Variants in LRRC4C observed in about 807,000 individuals in gnomAD.
The protein encoded by LRRC4C is leucine-rich repeat-containing protein 4C.
In LRRC4C, 5 loss-of-function variants were observed where a neutral mutation model predicts 33.6. The observed-to-expected ratio is 0.15, with a 90% confidence interval of 0.08 to 0.31. The LOEUF (loss-of-function observed/expected upper bound fraction) is 0.31, where lower values mean the gene tolerates loss of function less well. Among genes scored for constraint, LRRC4C ranks in the 10% least tolerant of loss-of-function variants. The pLI is 1.00. For missense variants in LRRC4C, 560 were observed against 796.7 expected (o/e 0.70, Z 3.58); for synonymous variants, 329 against 302.0 (o/e 1.09, Z -0.93).
At chr11:41,255,515 A>G (rs1034046787) in intron 1 of LRRC4C, among the ~76,000 whole-genome samples, 1 of 151,986 alleles carries the variant, frequency 6.6e-6, no homozygotes, top group Non-Finnish European at 1.5e-5. Context: ...TGGATAATCC[A>G]TTGACCTTTT....
chr11:41,147,163 T>C (rs1943762876), intron 1 of LRRC4C, among the ~76,000 whole-genome samples: 1 of 152,228 alleles, frequency 6.6e-6, no homozygotes, highest in Admixed American at 6.5e-5. Context: ...CTCTTTTTGG[T>C]ATTCCATAAA....
intron 1 of LRRC4C, among the ~76,000 whole-genome samples, chr11:41,067,626 G>A (rs1392707135): frequency 3.9e-5 from 6 of 152,098 alleles, no homozygotes; most frequent in Non-Finnish European, 7.4e-5. Flanking sequence ...TTTCAGTGCC[G>A]CATGGCACTT....
At chr11:41,417,428 T>C (rs1425270556) in intron 1 of LRRC4C, among the ~76,000 whole-genome samples, 1 of 152,054 alleles carries the variant, frequency 6.6e-6, no homozygotes, top group African/African-American at 2.4e-5. Context: ...AGAGAGGTGC[T>C]TGAATGCTTT....
intron 1 of LRRC4C, among the ~76,000 whole-genome samples, chr11:41,214,575 CAAAAAAAAAAAA>C (rs547167050): frequency 2.0e-4 from 7 of 34,768 alleles, no homozygotes; most frequent in Non-Finnish European, 3.7e-4. Flanking sequence ...ACTAAAAATA[CAAAAAAAAAAAA>C]AAAAAAAAAA....
At chr11:40,244,712 C>A (rs948170777) in intron 4 of LRRC4C, among the ~76,000 whole-genome samples, 1 of 151,776 alleles carries the variant, frequency 6.6e-6, no homozygotes, top group African/African-American at 2.4e-5. Context: ...AGTTGATTTT[C>A]AGCAGTGGGC....
At chr11:40,813,893 C>A (rs1450576555) in intron 2 of LRRC4C, among the ~76,000 whole-genome samples, 1 of 152,158 alleles carries the variant, frequency 6.6e-6, no homozygotes, top group African/African-American at 2.4e-5. Context: ...TGCTTTGACT[C>A]CATATCTCAT....
In LRRC4C at chr11:40,592,366, C is replaced by A. The variant is rs142950117; in HGVS notation, c.-270+55776G>T. Among the ~76,000 whole-genome samples the A allele has an allele frequency of 3.9e-3, 599 of 152,230 alleles. 7 individuals are homozygous for A. Among genetic ancestry groups the A allele is most frequent in the African/African-American group, 0.014 (577 of 41,528 alleles). On this transcript the variant is annotated intron_variant, in intron 3 of 6. Transcript: ENST00000528697. The stretch of plus-strand genomic sequence containing the variant: ...GGTGGCTGAAACACAAATTGTTGAG[C>A]CCCATTCCTGGAGTTTCTAATAAAT...
intron 3 of LRRC4C, among the ~76,000 whole-genome samples, chr11:40,349,476 T>C (rs1048730254): frequency 6.6e-6 from 1 of 152,122 alleles, no homozygotes; most frequent in African/African-American, 2.4e-5. Context: ...CATCTGTTGG[T>C]GAACACTTCG....
chr11:40,975,209 T>C (rs537879466), intron 1 of LRRC4C, among the ~76,000 whole-genome samples: 1 of 152,328 alleles, frequency 6.6e-6, no homozygotes, highest in Admixed American at 6.5e-5. Context: ...AGCACATATG[T>C]GATATCATGT....
intron 1 of LRRC4C, among the ~76,000 whole-genome samples, chr11:41,131,766 G>A (rs1001391527): frequency 6.6e-6 from 1 of 152,016 alleles, no homozygotes; most frequent in Non-Finnish European, 1.5e-5. Context: ...AGACCAAGAT[G>A]GCAATAAAAG....
At chr11:41,380,774 A>G (rs899175784) in intron 1 of LRRC4C, among the ~76,000 whole-genome samples, 2 of 152,128 alleles carry the variant, frequency 1.3e-5, no homozygotes, top group Non-Finnish European at 2.9e-5. Flanking sequence ...GTGACCTGGC[A>G]GAATCTTGGG....
At chr11:40,761,704 C>T (rs372508903) in intron 2 of LRRC4C, among the ~76,000 whole-genome samples, 11 of 152,166 alleles carry the variant, frequency 7.2e-5, no homozygotes, top group African/African-American at 2.6e-4. Context: ...GACTAGTGAA[C>T]ATCTTCAAGC....
chr11:41,332,078 T>C (rs1393070766), intron 1 of LRRC4C, among the ~76,000 whole-genome samples: 2 of 152,188 alleles, frequency 1.3e-5, no homozygotes, highest in Admixed American at 6.6e-5. Flanking sequence ...TTCTCCATCT[T>C]GTTCACTGCC....
chr11:41,354,103 A>G (rs936083317), intron 1 of LRRC4C, among the ~76,000 whole-genome samples: 5 of 152,210 alleles, frequency 3.3e-5, no homozygotes, highest in Admixed American at 2.0e-4. Flanking sequence ...TTTGCAGACG[A>G]TATAATTCTA....
At chr11:40,282,365 C>T (rs1565226022) in intron 4 of LRRC4C, among the ~76,000 whole-genome samples, 3 of 151,828 alleles carry the variant, frequency 2.0e-5, no homozygotes, top group Non-Finnish European at 4.4e-5. Context: ...CAAAACAAAA[C>T]AACAAAAAAA....
intron 2 of LRRC4C, among the ~76,000 whole-genome samples, chr11:40,711,335 A>G (rs1328532125): frequency 6.6e-6 from 1 of 152,156 alleles, no homozygotes; most frequent in African/African-American, 2.4e-5. Context: ...GAATGGACCG[A>G]ACCTCAGATT....
chr11:40,713,868 C>T (rs11036033), intron 2 of LRRC4C, among the ~76,000 whole-genome samples: 3 of 152,172 alleles, frequency 2.0e-5, no homozygotes, highest in Admixed American at 6.5e-5. Flanking sequence ...TTTCTACCAC[C>T]TAGTATGTAT....
intron 4 of LRRC4C, among the ~76,000 whole-genome samples, chr11:40,292,023 C>G (rs915353159): frequency 3.3e-5 from 5 of 151,282 alleles, no homozygotes; most frequent in Admixed American, 1.3e-4. Context: ...TATCAGAGAG[C>G]AGAGACTGAT....
chr11:40,446,916 C>T (rs541360851), intron 3 of LRRC4C: 1 of 152,342 alleles, frequency 6.6e-6, no homozygotes, highest in South Asian at 2.1e-4. Context: ...ATGGGGATTA[C>T]AATTCAAGGT....
Sources: allele counts gnomAD v4.1 joint callset (sites outside exome capture counted in the v4.1 genomes callset), GRCh38; gene constraint gnomAD v4.1.1; transcripts MANE v1.5; gene names NCBI Gene and HGNC (gene_info 2026-07-23, HGNC 2026-07-21).